Variants in PLEKHG4B observed in about 807,000 individuals in gnomAD.
The protein encoded by PLEKHG4B is pleckstrin homology domain-containing family G member 4B.
A neutral mutation model predicts 121.3 loss-of-function variants in PLEKHG4B; 111 were observed. The observed-to-expected ratio is 0.92, with a 90% CI of 0.78 to 1.07. PLEKHG4B has a LOEUF of 1.07. Among genes scored for constraint, PLEKHG4B ranks in the 50% least tolerant of loss-of-function variants. The pLI, the probability that PLEKHG4B is intolerant of heterozygous loss-of-function variation, is 0.00. For synonymous variants in PLEKHG4B, 738 were observed against 725.0 expected (o/e 1.02, Z -0.29); for missense variants, 1,831 against 1,757.8 (o/e 1.04, Z -0.74).
chr5:168,865 CTTTTTTT>C (rs140551039), intron 13 of PLEKHG4B, among the ~76,000 whole-genome samples: 1 of 100,412 alleles, frequency 1.0e-5, no homozygotes, highest in East Asian at 2.5e-4. Context: ...GAAGATTATT[CTTTTTTT>C]TTTTTTTTTT....
chr5:128,306 T>G (rs1734679788), intron 2 of PLEKHG4B, among the ~76,000 whole-genome samples: 1 of 152,204 alleles, frequency 6.6e-6, no homozygotes, highest in Non-Finnish European at 1.5e-5. Context: ...AACTTTCTTC[T>G]TTGTCACATG....
intron 13 of PLEKHG4B, among the ~76,000 whole-genome samples, chr5:164,745 GGCTCACAGTAATCCTCTGACGGGGCGGA>G (rs1560945339): frequency 2.2e-4 from 18 of 82,248 alleles, no homozygotes; most frequent in East Asian, 2.0e-3. Flanking sequence ...GACGGGGCGG[GGCTCACAGTAATCCTCTGACGGGGCGGA>G]GCTCACACTA....
intron 6 of PLEKHG4B, among the ~76,000 whole-genome samples, chr5:145,824 G>A (rs1456552687): frequency 6.6e-6 from 1 of 152,000 alleles, no homozygotes; most frequent in Non-Finnish European, 1.5e-5. Context: ...ACAGAACCAG[G>A]GTGCCCTCTC....
In PLEKHG4B at chr5:171,222, G is replaced by A. The variant is rs1363368636; in HGVS notation, c.3828G>A (p.Gln1276=). ...SHGNAFFKDK[Q]RELGDKMDLA... ...TCACCCGGCCCTTGCAGGACAAGCA[G>A]CGGGAGCTAGGTGACAAAATGGACC... The change falls in exon 16 of 20, where the codon CAG becomes CAA. Residue 1276 remains glutamine, a synonymous_variant. Coordinates refer to ENST00000637938, the MANE Select transcript of PLEKHG4B (RefSeq NM_052909.5). The A allele has an allele frequency of 6.2e-7, 1 of 1,605,636 alleles. No homozygotes were observed. Among genetic ancestry groups the A allele is most frequent in the East Asian group, 2.2e-5 (1 of 44,628 alleles).
intron 2 of PLEKHG4B, among the ~76,000 whole-genome samples, chr5:135,366 G>A (rs952413139): frequency 2.0e-5 from 3 of 151,510 alleles, no homozygotes; most frequent in Non-Finnish European, 4.4e-5. Context: ...TGGATTGGAA[G>A]ACTTAATATT....
intron 6 of PLEKHG4B, among the ~76,000 whole-genome samples, chr5:147,275 A>G (rs1240646459): frequency 1.3e-5 from 2 of 152,244 alleles, no homozygotes; most frequent in Non-Finnish European, 2.9e-5. Context: ...CAGGGGAGGC[A>G]CTGATCAGAG....
In PLEKHG4B at chr5:163,341, A is replaced by G; in HGVS notation, c.3269A>G (p.Gln1090Arg). ...IKKTQSFEIP[Q>R]PDSGPRDSCQ... ...AAAACGCAAAGTTTCGAGATACCTC[A>G]GCCCGACAGTGGCCCCAGGGACTCC... Residue 1090 changes from glutamine to arginine, a missense_variant, in exon 13 of 20, where the codon CAG (glutamine) becomes CGG (arginine). Gln to Arg is a conservative substitution (Grantham distance 43). Coordinates refer to ENST00000637938, the MANE Select transcript of PLEKHG4B (RefSeq NM_052909.5). 1 of 1,613,354 alleles carries G rather than the reference A, an allele frequency of 6.2e-7. No individual in the cohort carries two copies. Among genetic ancestry groups the G allele is most frequent in the South Asian group, 1.1e-5 (1 of 91,088 alleles).
rs1448011839 is a variant in PLEKHG4B, at chr5:100,322, A to G, written c.45+8046A>G. Among the ~76,000 whole-genome samples the G allele has an allele frequency of 3.3e-5, 5 of 152,320 alleles. No individual in the cohort carries two copies. The East Asian group carries it at 9.6e-4, about 29-fold the overall frequency. The stretch of plus-strand genomic sequence containing the variant: ...AGTAAAACTAATGCATAAGACTTCA[A>G]AATGTAGGTAACTGGAAAAAGGTCT... On this transcript the variant is annotated intron_variant, in intron 1 of 19. Transcript: ENST00000637938.
intron 1 of PLEKHG4B, among the ~76,000 whole-genome samples, chr5:94,176 C>T (rs965333495): frequency 6.6e-5 from 10 of 152,226 alleles, no homozygotes; most frequent in Non-Finnish European, 1.5e-4. Context: ...CTCCTTCTCC[C>T]CTCAAGGGCC....
intron 12 of PLEKHG4B, among the ~76,000 whole-genome samples, 161 bp from the exon 13 acceptor site, chr5:162,561 G>A (rs1736052219): frequency 2.0e-5 from 3 of 152,236 alleles, no homozygotes; most frequent in Admixed American, 2.0e-4. Context: ...CCCTTCCGCT[G>A]AACCCGGCCA....
rs985959219 is a variant in PLEKHG4B, at chr5:127,354, T to TATTATTATTATTATG, written c.244-12115_244-12114insGATTATTATTATTAT. Among the ~76,000 whole-genome samples, 111 of 146,404 alleles carry TATTATTATTATTATG rather than the reference T, an allele frequency of 7.6e-4. 1 individual carries two copies. The highest frequency in any genetic ancestry group is 2.6e-3 in the African/African-American group (106 of 40,374). On this transcript the variant is annotated intron_variant, in intron 2 of 19. Transcript: ENST00000637938. ...TATTGTTGGTTTTTATTATTATTAT[T>TATTATTATTATTATG]ATTATTATTATTATTATTATTATTA...
In PLEKHG4B at chr5:140,464, C is replaced by G. The variant is rs753244727; in HGVS notation, c.1225C>G (p.Gln409Glu). 5.0e-6 allele frequency: 8 copies of G among 1,588,498 alleles called. No homozygotes were observed. Among genetic ancestry groups the G allele is most frequent in the Non-Finnish European group, 6.8e-6 (8 of 1,167,970 alleles). ...AACCTCTGGCCCCCGGGGAGACCCCCAACAGACCCCAAGTCTAGAGAAGGA... is the reference window on the plus strand; with the variant it reads ...AACCTCTGGCCCCCGGGGAGACCCCGAACAGACCCCAAGTCTAGAGAAGGA... ...EETSGPRGDP[Q>E]QTPSLEKERH... Residue 409 changes from glutamine to glutamate, a missense_variant, in exon 3 of 20, where the codon CAA (glutamine) becomes GAA (glutamate). Transcript: ENST00000637938.
At chr5:94,478 GCGGGGC>G in intron 1 of PLEKHG4B, among the ~76,000 whole-genome samples, 1 of 141,008 alleles carries the variant, frequency 7.1e-6, no homozygotes, top group African/African-American at 2.9e-5. Flanking sequence ...TGAGTGGGTG[GCGGGGC>G]TGGAGGGGGT....
At chr5:152,203 GT>G (rs1272862398) in intron 7 of PLEKHG4B, among the ~76,000 whole-genome samples, 1 of 148,586 alleles carries the variant, frequency 6.7e-6, no homozygotes, top group African/African-American at 2.5e-5. Flanking sequence ...CATTCTTTCT[GT>G]CTTTTTTTTT....
rs1456051522 is a variant in PLEKHG4B, at chr5:140,656, C to T, written c.1417C>T (p.Gln473Ter). ...CAGGCCTGGGGGCCACCTAGGAGGA[C>T]AAGCTGTGGGGACCCCAAACTGTGT... is the stretch of plus-strand genomic sequence containing the variant. ...GSRPGGHLGG[Q>*]AVGTPNCVPV... Residue 473 changes from glutamine (Q) to a stop codon, truncating the protein, a stop_gained, in exon 3 of 20, where the codon CAA (glutamine) becomes TAA (stop). Coordinates refer to ENST00000637938, the MANE Select transcript of PLEKHG4B (RefSeq NM_052909.5). LOFTEE classifies it high-confidence loss of function. The T allele has an allele frequency of 6.2e-7, 1 of 1,607,428 alleles. No individual in the cohort carries two copies. The highest frequency in any genetic ancestry group is 1.3e-5 in the African/African-American group (1 of 74,716).
rs1025264255 is a variant in PLEKHG4B at position 186,815 on chromosome 5, T to C, written c.*4492T>C. The C allele has an allele frequency of 6.6e-6, 1 of 152,378 alleles. No homozygotes were observed. Among genetic ancestry groups the C allele is most frequent in the Admixed American group, 6.5e-5 (1 of 15,286 alleles). 9.4% of individuals were successfully genotyped at this position (152,378 alleles called of 1,614,324 possible). Reference sequence around the variant, plus strand: ...ACCACTCCCACCCACGCCTCAGCACTGGGACCCCCCAGGGATGGTGTGGGG... The same window carrying C: ...ACCACTCCCACCCACGCCTCAGCACCGGGACCCCCCAGGGATGGTGTGGGG... On this transcript the variant is annotated 3_prime_UTR_variant, in exon 20 of 20. Transcript: ENST00000637938.
chr5:157,823 G>T lies in PLEKHG4B; in HGVS notation c.2487+912G>T, dbSNP rs1232078120. Among the ~76,000 whole-genome samples, 1 of 152,174 alleles carries T rather than the reference G, an allele frequency of 6.6e-6. No individual in the cohort carries two copies. The highest frequency in any genetic ancestry group is 1.5e-5 in the Non-Finnish European group (1 of 68,014). On this transcript the variant is annotated intron_variant, in intron 11 of 19. Transcript: ENST00000637938. This position sits in a 1 kb window ranked among gnomAD's most constrained non-coding sequence, Gnocchi z 4.6. ...CTGCGATGAATGTGCGGGTGAAAGA[G>T]CCAGCAGCATGGAGAGGCAGCAGTG...
intron 11 of PLEKHG4B, among the ~76,000 whole-genome samples, chr5:160,626 C>G (rs1204693289): frequency 6.6e-6 from 1 of 152,170 alleles, no homozygotes; most frequent in Non-Finnish European, 1.5e-5. Context: ...CCTTCATGTT[C>G]TGCTTGTTTT....
chr5:126,982 T>C (rs1287039912), intron 2 of PLEKHG4B, among the ~76,000 whole-genome samples: 3 of 152,188 alleles, frequency 2.0e-5, no homozygotes, highest in African/African-American at 7.2e-5. Context: ...TCGGGGAAGC[T>C]GGCCACCCCA....
Sources: allele counts gnomAD v4.1 joint callset (sites outside exome capture counted in the v4.1 genomes callset), GRCh38; gene constraint gnomAD v4.1.1; non-coding constraint Gnocchi (gnomAD v3.1); transcripts MANE v1.5; gene names NCBI Gene and HGNC (gene_info 2026-07-23, HGNC 2026-07-21).